Variants in GJB3 observed in about 807,000 individuals in gnomAD.
GJB3 encodes gap junction beta-3 protein.
In GJB3, 6 loss-of-function variants were observed where a neutral mutation model predicts 8.1. The observed-to-expected ratio is 0.75, with a 90% confidence interval of 0.41 to 1.47. The LOEUF (loss-of-function observed/expected upper bound fraction) is 1.47, where lower values mean the gene tolerates loss of function less well. Among genes scored for constraint, GJB3 ranks in the 40% most tolerant of loss-of-function variants. The pLI, the probability that GJB3 is intolerant of heterozygous loss-of-function variation, is 0.02. For missense variants in GJB3, 348 were observed against 365.6 expected (o/e 0.95, Z 0.39); for synonymous variants, 137 against 156.4 (o/e 0.88, Z 0.93).
intron 1 of GJB3, 73 bp from the exon 2 acceptor site, chr1:34,784,665 G>C: frequency 2.1e-6 from 2 of 972,268 alleles, no homozygotes; most frequent in Non-Finnish European, 1.6e-6. Context: ...TCAGAACACT[G>C]CCTGGTACAT....
rs369979083 is a variant in GJB3, at chr1:34,785,079, G to T, written c.317G>T (p.Arg106Leu). 1.2e-6 allele frequency: 2 copies of T among 1,614,020 alleles called. No individual in the cohort carries two copies. Among genetic ancestry groups the T allele is most frequent in the Non-Finnish European group, 1.7e-6 (2 of 1,180,036 alleles). ...CGTGAGGAGCGGGAGCGCCGGCACC[G>T]CCAGAAACACGGGGACCAGTGCGCC... is the stretch of plus-strand genomic sequence containing the variant. ...AYREERERRH[R>L]QKHGDQCAKL... Residue 106 changes from arginine to leucine, a missense_variant, in exon 2 of 2, where the codon CGC (arginine) becomes CTC (leucine). By Grantham distance (102) the Arg-to-Leu change is moderately radical. Transcript: ENST00000373366. This position sits in a 1 kb window ranked among gnomAD's most constrained non-coding sequence, Gnocchi z 4.7.
chr1:34,785,180 A>T lies in GJB3; in HGVS notation c.418A>T (p.Ile140Phe), dbSNP rs1363027574. The T allele has an allele frequency of 2.5e-6, 4 of 1,613,584 alleles. No homozygotes were observed. In the African/African-American group the frequency reaches 4.0e-5, roughly 16 times the overall value. Residue 140 changes from isoleucine (I) to phenylalanine (F), a missense_variant, in exon 2 of 2, where the codon ATC becomes TTC. Transcript: ENST00000373366. The surrounding 1 kb of genome is among the most constrained non-coding windows in gnomAD (Gnocchi z 4.7). ...CCTGTTCAGCCTCATCTTCAAGCTC[A>T]TCATTGAGTTCCTCTTCCTCTACCT... ...TYLFSLIFKLIIEFLFLYLLH... is the reference protein window; with the variant it reads ...TYLFSLIFKLFIEFLFLYLLH...
In GJB3 at chr1:34,785,357, A is replaced by G. The variant is rs145999152; in HGVS notation, c.595A>G (p.Ile199Val). The G allele has an allele frequency of 6.2e-7, 1 of 1,614,004 alleles. No individual in the cohort carries two copies. The highest frequency in any genetic ancestry group is 2.2e-5 in the East Asian group (1 of 44,854). Residue 199 changes from isoleucine (I) to valine (V), a missense_variant, in exon 2 of 2, where the codon ATC (isoleucine) becomes GTC (valine). Physicochemically the swap from Ile to Val is conservative, Grantham distance 29. Coordinates refer to ENST00000373366, the MANE Select transcript of GJB3 (RefSeq NM_024009.3). This position sits in a 1 kb window ranked among gnomAD's most constrained non-coding sequence, Gnocchi z 4.7. ...CATGGTGGGCGCCTCCGCCGTCTGC[A>G]TCGTACTCACCATCTGTGAGCTCTG... ...YFMVGASAVC[I>V]VLTICELCYL...
intron 1 of GJB3, among the ~76,000 whole-genome samples, chr1:34,784,349 G>A (rs376563373): frequency 1.5e-4 from 23 of 152,284 alleles, no homozygotes; most frequent in African/African-American, 1.9e-4. Flanking sequence ...CTTTGCAATC[G>A]TTCAATGATC....
At chr1:34,783,822 A>G (rs1435401242) in intron 1 of GJB3, among the ~76,000 whole-genome samples, 2 of 152,282 alleles carry the variant, frequency 1.3e-5, no homozygotes, top group Non-Finnish European at 2.9e-5. Flanking sequence ...TGGGAGGAAG[A>G]TGTGTGAGTT....
rs1212800956 is a variant in GJB3, at chr1:34,781,351, C to CA, written c.-451dup. Reference sequence around the variant, plus strand: ...CTCCCAGGGGTGCCCCACGCACGGTCAAGGTCCCGCGCCAAGCGGGGACCG... The same window carrying CA: ...CTCCCAGGGGTGCCCCACGCACGGTCAAAGGTCCCGCGCCAAGCGGGGACCG... On this transcript the variant is annotated 5_prime_UTR_variant, in exon 1 of 2. Coordinates refer to ENST00000373366, the MANE Select transcript of GJB3 (RefSeq NM_024009.3). This position sits in a 1 kb window ranked among gnomAD's most constrained non-coding sequence, Gnocchi z 6.2. 2 of 152,228 alleles carry CA rather than the reference C, an allele frequency of 1.3e-5. No individual in the cohort carries two copies. Among genetic ancestry groups the CA allele is most frequent in the Non-Finnish European group, 2.9e-5 (2 of 68,054 alleles). 9.4% of individuals were successfully genotyped at this position (152,228 alleles called of 1,614,324 possible).
Position 34,784,752 on chromosome 1 carries a change from C to A in GJB3, c.-11C>A. On this transcript the variant is annotated 5_prime_UTR_variant, in exon 2 of 2. Transcript: ENST00000373366. ...AATTCTCTCAGGTAGGCACGGCCCCCACCAGGCGCCATGGACTGGAAGACA... is the reference window on the plus strand; with the variant it reads ...AATTCTCTCAGGTAGGCACGGCCCCAACCAGGCGCCATGGACTGGAAGACA... 1 of 1,608,952 alleles carries A rather than the reference C, an allele frequency of 6.2e-7. No individual in the cohort carries two copies.
Position 34,785,278 on chromosome 1 carries a change from C to T in GJB3, c.516C>T (p.Asn172=), listed in dbSNP as rs781246674. The T allele has an allele frequency of 1.9e-6, 3 of 1,613,810 alleles. No homozygotes were observed. The highest frequency in any genetic ancestry group is 2.2e-5 in the East Asian group (1 of 44,876). ...VQCANVAPCP[N]IVDCYIARPT... ...GTGCCAACGTGGCCCCCTGCCCCAA[C>T]ATCGTGGACTGCTACATTGCCCGAC... is the stretch of plus-strand genomic sequence containing the variant. The change falls in exon 2 of 2, where the codon AAC becomes AAT. Residue 172 remains asparagine, a synonymous_variant. Coordinates refer to ENST00000373366, the MANE Select transcript of GJB3 (RefSeq NM_024009.3). This position sits in a 1 kb window ranked among gnomAD's most constrained non-coding sequence, Gnocchi z 4.7.
chr1:34,782,018 C>A (rs1461986791), intron 1 of GJB3, among the ~76,000 whole-genome samples: 1 of 152,206 alleles, frequency 6.6e-6, no homozygotes, highest in Non-Finnish European at 1.5e-5. Flanking sequence ...CTCCCCAAGT[C>A]CGCAAGCTCC....
chr1:34,782,514 T>G (rs776008596), intron 1 of GJB3: 2 of 152,050 alleles, frequency 1.3e-5, no homozygotes, highest in Non-Finnish European at 2.9e-5. Context: ...CTTTAGAGAT[T>G]AGTAAATAGG....
chr1:34,784,795 C>T lies in GJB3; in HGVS notation c.33C>T (p.Ser11=), dbSNP rs112499125. 8.1e-5 allele frequency: 130 copies of T among 1,614,166 alleles called. 1 individual carries two copies. The highest frequency in any genetic ancestry group is 7.3e-4 in the African/African-American group (55 of 75,054). The change falls in exon 2 of 2, where the codon AGC becomes AGT. Residue 11 remains serine (S), a synonymous_variant. Coordinates refer to ENST00000373366, the MANE Select transcript of GJB3 (RefSeq NM_024009.3). ...GGAAGACACTCCAGGCCCTACTGAG[C>T]GGTGTGAACAAGTACTCCACAGCGT... The part of the protein sequence containing the change: MDWKTLQALL[S]GVNKYSTAFG...
At position 34,781,998 on chromosome 1, in the gene GJB3, G is replaced by A. The variant is rs1162971285; in HGVS notation, c.-26+220G>A. 6.6e-6 allele frequency among the ~76,000 whole-genome samples: 1 copy of A among 152,192 alleles called. No individual in the cohort carries two copies. The highest frequency in any genetic ancestry group is 1.9e-4 in the East Asian group (1 of 5,174). ...GGGGTCCCGGCTGCGGGAAGGTTCCGAGACACCCCCTCCCCAAGTCCGCAA... is the reference window on the plus strand; with the variant it reads ...GGGGTCCCGGCTGCGGGAAGGTTCCAAGACACCCCCTCCCCAAGTCCGCAA... On this transcript the variant is annotated intron_variant, in intron 1 of 1. Coordinates refer to ENST00000373366, the MANE Select transcript of GJB3 (RefSeq NM_024009.3). This position sits in a 1 kb window ranked among gnomAD's most constrained non-coding sequence, Gnocchi z 6.2.
Position 34,784,963 on chromosome 1 carries a change from C to T in GJB3, c.201C>T (p.Asn67=), listed in dbSNP as rs1640078082. The T allele has an allele frequency of 6.2e-7, 1 of 1,614,102 alleles. No homozygotes were observed. The highest frequency in any genetic ancestry group is 8.5e-7 in the Non-Finnish European group (1 of 1,180,034). ...QPGCTNVCYD[N]YFPISNIRLW... is the part of the protein sequence containing the mutation. The stretch of plus-strand genomic sequence containing the variant: ...GCTGCACCAACGTCTGCTACGACAA[C>T]TACTTCCCCATCTCCAACATCCGCC... The change falls in exon 2 of 2, where the codon AAC becomes AAT. Residue 67 remains asparagine, a synonymous_variant. Coordinates refer to ENST00000373366, the MANE Select transcript of GJB3 (RefSeq NM_024009.3).
At chr1:34,782,092 G>A (rs902234241) in intron 1 of GJB3, among the ~76,000 whole-genome samples, 8 of 152,214 alleles carry the variant, frequency 5.3e-5, no homozygotes, top group Non-Finnish European at 1.0e-4. Context: ...GGGACATTGT[G>A]GGGCGGGAGG....
Position 34,785,508 on chromosome 1 carries a change from G to A in GJB3, c.746G>A (p.Gly249Glu), listed in dbSNP as rs756524929. ...CRCHHKLVEA[G>E]EVDPDPGNNK... Reference sequence around the variant, plus strand: ...TGCCACCACAAGCTGGTGGAGGCTGGGGAGGTGGATCCAGACCCAGGCAAT... The same window carrying A: ...TGCCACCACAAGCTGGTGGAGGCTGAGGAGGTGGATCCAGACCCAGGCAAT... The change falls in exon 2 of 2, where the codon GGG becomes GAG. Residue 249 changes from glycine to glutamate, a missense_variant. Gly to Glu is a moderately conservative substitution (Grantham distance 98). Transcript: ENST00000373366. The surrounding 1 kb of genome is among the most constrained non-coding windows in gnomAD (Gnocchi z 4.7). 1.2e-6 allele frequency: 2 copies of A among 1,614,112 alleles called. No homozygotes were observed. The highest frequency in any genetic ancestry group is 1.7e-6 in the Non-Finnish European group (2 of 1,180,018).
chr1:34,784,654 C>T (rs1640068514), intron 1 of GJB3, 84 bp from the exon 2 acceptor site: 1 of 908,010 alleles, frequency 1.1e-6, no homozygotes, highest in Non-Finnish European at 1.8e-6. Flanking sequence ...CAAGTCAGAA[C>T]TCAGAACACT....
chr1:34,785,099 T>C lies in GJB3; in HGVS notation c.337T>C (p.Cys113Arg), dbSNP rs372771182. The C allele has an allele frequency of 3.7e-6, 6 of 1,613,906 alleles. No individual in the cohort carries two copies. In the African/African-American group the frequency reaches 6.7e-5, roughly 18 times the overall value. The change falls in exon 2 of 2, where the codon TGC (cysteine) becomes CGC (arginine). Residue 113 changes from cysteine (C) to arginine (R), a missense_variant. Coordinates refer to ENST00000373366, the MANE Select transcript of GJB3 (RefSeq NM_024009.3). This position sits in a 1 kb window ranked among gnomAD's most constrained non-coding sequence, Gnocchi z 4.7. ...RRHRQKHGDQ[C>R]AKLYDNAGKK... ...GCACCGCCAGAAACACGGGGACCAG[T>C]GCGCCAAGCTGTACGACAACGCAGG...
chr1:34,782,378 C>T (rs141932921), intron 1 of GJB3: 3,308 of 152,316 alleles, frequency 0.022, 51 homozygotes, highest in Middle Eastern at 0.04. Flanking sequence ...CAGGGTCCCT[C>T]TCTGCTCTCT....
At chr1:34,782,365 CG>C (rs1420643161) in intron 1 of GJB3, 1 of 152,204 alleles carries the variant, frequency 6.6e-6, no homozygotes, top group African/African-American at 2.4e-5. Flanking sequence ...TGGAAGCAGC[CG>C]TCAGGGTCCC....
Sources: gnomAD v4.1 joint callset for allele counts (sites outside exome capture counted in the v4.1 genomes callset) on GRCh38, gnomAD v4.1.1 for gene constraint, Gnocchi (gnomAD v3.1) non-coding constraint, MANE v1.5 for transcripts, NCBI Gene and HGNC (gene_info 2026-07-23, HGNC 2026-07-21) for gene names.